CHN1: variants seen among roughly 807,000 people sequenced by gnomAD.
CHN1 encodes the protein N-chimaerin.
CHN1 carries 37 observed loss-of-function variants against 59.5 expected under a neutral mutation model. That is an observed-to-expected ratio of 0.62 (90% CI 0.48 to 0.82). The LOEUF is 0.82. Among genes scored for constraint, CHN1 ranks in the 40% least tolerant of loss-of-function variants. The pLI is 0.00. For synonymous variants in CHN1, 206 were observed against 200.4 expected, an observed-to-expected ratio of 1.03 and a Z score of -0.24; for missense variants, 469 against 571.0, an observed-to-expected ratio of 0.82 and a Z score of 1.82.
At chr2:174,939,706 G>A (rs1281277074) in intron 3 of CHN1, among the ~76,000 whole-genome samples, 1 of 152,100 alleles carries the variant, frequency 6.6e-6, no homozygotes, top group Non-Finnish European at 1.5e-5. Context: ...TTATTAAATA[G>A]CATTTTTAAA....
chr2:174,906,488 C>A (rs923537299), intron 5 of CHN1, among the ~76,000 whole-genome samples: 1 of 152,110 alleles, frequency 6.6e-6, no homozygotes, highest in African/African-American at 2.4e-5. Context: ...TGTAGAGGTT[C>A]TTTTCAGGGG....
chr2:174,836,110 T>C (rs1457840327), intron 7 of CHN1, among the ~76,000 whole-genome samples: 1 of 152,172 alleles, frequency 6.6e-6, no homozygotes, highest in Non-Finnish European at 1.5e-5. Context: ...CCTAATCTCT[T>C]TGTCCTTCAC....
chr2:174,816,778 C>T (rs546039410), intron 8 of CHN1, among the ~76,000 whole-genome samples: 4 of 152,180 alleles, frequency 2.6e-5, no homozygotes, highest in African/African-American at 7.2e-5. Flanking sequence ...ATTTATCCAT[C>T]TTGTCCAGAA....
chr2:174,802,961 C>T (rs573963855), intron 11 of CHN1, among the ~76,000 whole-genome samples: 6 of 152,030 alleles, frequency 3.9e-5, no homozygotes, highest in Non-Finnish European at 8.8e-5. Context: ...TTACTTGAAC[C>T]CAGGAGGTGG....
At chr2:174,964,314 T>A (rs1003430964) in intron 1 of CHN1, among the ~76,000 whole-genome samples, 2 of 152,230 alleles carry the variant, frequency 1.3e-5, no homozygotes, top group African/African-American at 2.4e-5. Context: ...ATGGATGTCC[T>A]ATGGTCTTGG....
intron 1 of CHN1, among the ~76,000 whole-genome samples, chr2:174,971,438 C>A (rs182121114): frequency 1.9e-3 from 295 of 152,190 alleles, no homozygotes; most frequent in Non-Finnish European, 3.5e-3. Context: ...TAAATAGCAA[C>A]ACATATAACC....
chr2:174,840,249 A>T (rs1000107910), intron 7 of CHN1, among the ~76,000 whole-genome samples: 2 of 143,494 alleles, frequency 1.4e-5, no homozygotes, highest in Non-Finnish European at 3.0e-5. Flanking sequence ...GCTCACTGCA[A>T]CCTCTATCTC....
intron 6 of CHN1, among the ~76,000 whole-genome samples, chr2:174,848,772 T>A (rs1032487564): frequency 6.6e-6 from 1 of 152,208 alleles, no homozygotes; most frequent in African/African-American, 2.4e-5. Context: ...TCTAAAATTA[T>A]GTCTAAGTAA....
chr2:174,874,848 A>C (rs1024609083), intron 6 of CHN1, among the ~76,000 whole-genome samples: 2 of 149,370 alleles, frequency 1.3e-5, no homozygotes, highest in Non-Finnish European at 3.0e-5. Flanking sequence ...AAAGGATCAG[A>C]CTTTTATTTA....
intron 5 of CHN1, among the ~76,000 whole-genome samples, chr2:174,886,596 G>A (rs2105342540): frequency 6.6e-6 from 1 of 152,196 alleles, no homozygotes; most frequent in South Asian, 2.1e-4. Context: ...GCACTCTTTT[G>A]CAATAAAGGC....
At chr2:174,877,813 A>G in intron 6 of CHN1, 27 bp downstream of exon 6, 1 of 1,591,762 alleles carries the variant, frequency 6.3e-7, no homozygotes, top group Non-Finnish European at 8.6e-7. Context: ...ACAGAAAAAG[A>G]TAAAGTGTGG....
chr2:174,851,378 C>T (rs28740920), intron 6 of CHN1, among the ~76,000 whole-genome samples: 2,321 of 152,250 alleles, frequency 0.015, 27 homozygotes, highest in Middle Eastern at 0.034. Flanking sequence ...CTCCTGGGCT[C>T]CATTGATCCT....
chr2:174,837,178 G>A (rs1686113914), intron 7 of CHN1: 1 of 152,102 alleles, frequency 6.6e-6, no homozygotes, highest in African/African-American at 2.4e-5. Context: ...TAATACAATT[G>A]CGGAGTAATG....
chr2:174,937,269 A>G (rs1042801287), intron 3 of CHN1, among the ~76,000 whole-genome samples: 1 of 152,196 alleles, frequency 6.6e-6, no homozygotes, highest in Admixed American at 6.5e-5. Flanking sequence ...TCACACACAC[A>G]TGGCTAGTCA....
At chr2:174,811,042 A>G (rs928943667) in intron 10 of CHN1, 1 of 152,564 alleles carries the variant, frequency 6.6e-6, no homozygotes, top group African/African-American at 2.4e-5. Flanking sequence ...AGGCCCCTAA[A>G]GCTTCTTTCA....
chr2:175,000,089 T>C (rs1012916718), intron 1 of CHN1, among the ~76,000 whole-genome samples: 13 of 151,988 alleles, frequency 8.6e-5, no homozygotes, highest in Non-Finnish European at 1.8e-4. Flanking sequence ...AGACAAACTT[T>C]AAAGCTAAAA....
At chr2:174,832,353 T>A (rs1044643782) in intron 7 of CHN1, among the ~76,000 whole-genome samples, 4 of 152,076 alleles carry the variant, frequency 2.6e-5, no homozygotes, top group Admixed American at 1.3e-4. Context: ...GTACTTGGTT[T>A]AATTGATTCT....
chr2:174,809,158 A>G (rs1684996517), intron 10 of CHN1, 116 bp from the exon 11 acceptor site: 2 of 1,002,324 alleles, frequency 2.0e-6, no homozygotes, highest in Admixed American at 6.1e-5. Context: ...TTCAGTTTTT[A>G]ACGTAAAATT....
At chr2:174,971,614 A>G (rs987217955) in intron 1 of CHN1, among the ~76,000 whole-genome samples, 3 of 152,170 alleles carry the variant, frequency 2.0e-5, no homozygotes, top group African/African-American at 7.2e-5. Flanking sequence ...ATGTTTTTAT[A>G]CTTATTTATG....
Sources: allele counts gnomAD v4.1 joint callset (sites outside exome capture counted in the v4.1 genomes callset), GRCh38; gene constraint gnomAD v4.1.1; transcripts MANE v1.5; gene names NCBI Gene and HGNC (gene_info 2026-07-23, HGNC 2026-07-21).